Variants in ZNF221 observed in about 807,000 individuals in gnomAD.
The protein encoded by ZNF221 is zinc finger protein 221.
ZNF221 carries 10 observed loss-of-function variants against 12.6 expected under a neutral mutation model. The ratio of observed to expected loss-of-function variants is 0.79; its 90% CI spans 0.49 to 1.34. ZNF221 has a LOEUF of 1.34. ZNF221 is among the 40% of genes most tolerant of loss of function. The pLI is 0.00. For missense variants in ZNF221, 661 were observed against 721.4 expected (o/e 0.92, Z 0.96); for synonymous variants, 232 against 244.0 (o/e 0.95, Z 0.46).
the ZNF221 span, among the ~76,000 whole-genome samples, chr19:43,980,773 T>C: frequency 2.6e-5 from 4 of 152,204 alleles, no homozygotes; most frequent in Non-Finnish European, 4.4e-5. Flanking sequence ...ACTGGGGCTA[T>C]TGTATGCTAC....
At chr19:43,965,147 G>A in intron 3 of ZNF221, 71 bp downstream of exon 3, 1 of 1,600,102 alleles carries the variant, frequency 6.2e-7, no homozygotes, top group African/African-American at 1.3e-5. Flanking sequence ...GTTTGAGTAT[G>A]CATTGGGAAC....
At chr19:43,975,013 C>T in the ZNF221 span, among the ~76,000 whole-genome samples, 46 of 150,346 alleles carry the variant, frequency 3.1e-4, no homozygotes, top group Admixed American at 4.0e-4. Context: ...AACAGTGAAA[C>T]TGTGTCTCAA....
At chr19:43,968,965 C>T (rs1975038585), downstream of ZNF221, among the ~76,000 whole-genome samples, 2 of 152,200 alleles carry the variant, frequency 1.3e-5, no homozygotes, top group Admixed American at 1.3e-4. Context: ...GCCTCTCAGG[C>T]ACACACAGAG....
At position 43,967,009 on chromosome 19, in the gene ZNF221, G is replaced by GA; in HGVS notation, c.1512dup (p.Pro505ThrfsTer5). The GA allele has an allele frequency of 6.2e-7, 1 of 1,613,630 alleles. No homozygotes were observed. The highest frequency in any genetic ancestry group is 1.1e-5 in the South Asian group (1 of 91,038). On this transcript the variant is annotated frameshift_variant, in exon 5 of 5. Transcript: ENST00000587682. LOFTEE classifies it low-confidence loss of function (END_TRUNC). ...GAAACATCAGAGACTCCACAGTGGG[G>GA]AAAAACCTTTCAAATGTGAAGAGTG...
At position 43,965,306 on chromosome 19, in the gene ZNF221, C is replaced by G; in HGVS notation, c.282C>G (p.Ser94Arg). 1.2e-6 allele frequency: 2 copies of G among 1,613,354 alleles called. No homozygotes were observed. Among genetic ancestry groups the G allele is most frequent in the South Asian group, 2.2e-5 (2 of 91,036 alleles). Residue 94 changes from serine to arginine, a missense_variant, in exon 4 of 5, where the codon AGC becomes AGG. Transcript: ENST00000587682. ...KEKFWKMKTT[S>R]QREGNSGGKI... ...AGTTTTGGAAGATGAAGACAACAAGCCAAAGAGAAGGGAATTCAGGTAAGA... is the reference window on the plus strand; with the variant it reads ...AGTTTTGGAAGATGAAGACAACAAGGCAAAGAGAAGGGAATTCAGGTAAGA...
intron 1 of ZNF221, among the ~76,000 whole-genome samples, chr19:43,956,279 G>T (rs949651654): frequency 6.6e-6 from 1 of 152,182 alleles, no homozygotes; most frequent in Non-Finnish European, 1.5e-5. Flanking sequence ...TGCTTGAAGG[G>T]TAGATTTATA....
chr19:43,972,563 G>A (rs1975118987), downstream of ZNF221, among the ~76,000 whole-genome samples: 2 of 151,618 alleles, frequency 1.3e-5, no homozygotes, highest in Non-Finnish European at 2.9e-5. Flanking sequence ...AATGATAAAG[G>A]GGATATCACC....
rs181109803 is a variant in ZNF221, at chr19:43,966,803, A to T, written c.1301A>T (p.Asn434Ile). 1,303 of 1,614,166 alleles carry T rather than the reference A, an allele frequency of 8.1e-4. 10 individuals are homozygous for T. The highest frequency in any genetic ancestry group is 2.2e-4 in the Non-Finnish European group (264 of 1,180,016). ...GAATGTGGGAAGGGATTTTATACAA[A>T]TTCACGACGATCTTCCCATCAGAGA... ...CEECGKGFYT[N>I]SRRSSHQRSH... is the part of the protein sequence containing the mutation. The change falls in exon 5 of 5, where the codon AAT (asparagine) becomes ATT (isoleucine). Residue 434 changes from asparagine (N) to isoleucine (I), a missense_variant. Asn to Ile is a moderately radical substitution (Grantham distance 149). Transcript: ENST00000587682.
the ZNF221 span, among the ~76,000 whole-genome samples, chr19:43,977,679 T>C: frequency 6.6e-6 from 1 of 152,194 alleles, no homozygotes; most frequent in Non-Finnish European, 1.5e-5. Flanking sequence ...AAGAGCTGAT[T>C]TGGGTGCTAA....
chr19:43,971,535 T>A (rs549426386), downstream of ZNF221, among the ~76,000 whole-genome samples: 457 of 151,732 alleles, frequency 3.0e-3, 4 homozygotes, highest in African/African-American at 8.2e-3. Flanking sequence ...AAGACACACA[T>A]AGGCTCAAAA....
Position 43,966,099 on chromosome 19 carries a change from ATGTGG to A in ZNF221, c.600_604del (p.Cys200Ter), listed in dbSNP as rs1568478320. On this transcript the variant is annotated frameshift_variant, in exon 5 of 5. Transcript: ENST00000587682. LOFTEE classifies it low-confidence loss of function (END_TRUNC). ...CACACTCAGGAGAGAAATCTCATAC[ATGTGG>A]TGAGTGTGGAAAAAGCTTCTGTTAC... The A allele has an allele frequency of 4.3e-6, 7 of 1,614,096 alleles. No homozygotes were observed. The South Asian group carries it at 7.7e-5, about 18-fold the overall frequency.
At chr19:43,977,173 A>G in the ZNF221 span, 6 of 152,188 alleles carry the variant, frequency 3.9e-5, no homozygotes, top group African/African-American at 1.4e-4. Flanking sequence ...GTGTATGTAC[A>G]TCATTTGTGG....
the ZNF221 span, among the ~76,000 whole-genome samples, chr19:43,980,385 T>C: frequency 3.3e-5 from 5 of 152,246 alleles, no homozygotes; most frequent in Admixed American, 2.0e-4. Flanking sequence ...AGGTCAGTTC[T>C]GTATTAGGAT....
At chr19:43,970,315 GT>G (rs1975069930), downstream of ZNF221, among the ~76,000 whole-genome samples, 1 of 152,144 alleles carries the variant, frequency 6.6e-6, no homozygotes, top group Non-Finnish European at 1.5e-5. Context: ...ATGATAAAAA[GT>G]CAACACAAAA....
chr19:43,960,694 G>A (rs182671663), intron 1 of ZNF221, among the ~76,000 whole-genome samples: 1 of 152,350 alleles, frequency 6.6e-6, no homozygotes, highest in Admixed American at 6.5e-5. Context: ...TCAGCTTAGA[G>A]TGCCCCAGGC....
At chr19:43,953,957 C>T (rs1974714514) in intron 1 of ZNF221, among the ~76,000 whole-genome samples, 1 of 151,976 alleles carries the variant, frequency 6.6e-6, no homozygotes, top group African/African-American at 2.4e-5. Context: ...TGGCACATGC[C>T]TGTAGTCCCA....
chr19:43,962,284 T>G (rs994423246), intron 1 of ZNF221, among the ~76,000 whole-genome samples: 3 of 152,228 alleles, frequency 2.0e-5, no homozygotes, highest in African/African-American at 7.2e-5. Context: ...TAGATCATTT[T>G]CGCCCCCCAA....
At chr19:43,960,165 C>T (rs442543) in intron 1 of ZNF221, 43,787 of 151,940 alleles carry the variant, frequency 0.29, 7,098 homozygotes, top group Middle Eastern at 0.42. Flanking sequence ...AAGAACTTTG[C>T]TGCTTTGTGT....
rs762884472 is a variant in ZNF221 at position 43,965,954 on chromosome 19, A to T, written c.452A>T (p.Asp151Val). The T allele has an allele frequency of 1.2e-6, 2 of 1,614,238 alleles. No individual in the cohort carries two copies. Among genetic ancestry groups the T allele is most frequent in the Non-Finnish European group, 1.7e-6 (2 of 1,180,032 alleles). Residue 151 changes from aspartate to valine, a missense_variant, in exon 5 of 5, where the codon GAT becomes GTT. By Grantham distance (152) the Asp-to-Val change is radical. Coordinates refer to ENST00000587682, the MANE Select transcript of ZNF221 (RefSeq NM_001297588.2). The part of the protein sequence containing the change: ...RNSSQFFKEG[D>V]VPCQIEARLS... ...AGCTCTCAGTTCTTCAAAGAAGGTG[A>T]TGTCCCCTGCCAGATTGAGGCAAGA...
Sources: allele counts gnomAD v4.1 joint callset (sites outside exome capture counted in the v4.1 genomes callset), GRCh38; gene constraint gnomAD v4.1.1; transcripts MANE v1.5; gene names NCBI Gene and HGNC (gene_info 2026-07-23, HGNC 2026-07-21).